The following FERMT2 variants were observed in gnomAD, a reference collection of about 807,000 sequenced individuals.
FERMT2 encodes the protein FERM domain containing kindlin 2, also known as fermitin family homolog 2.
A neutral mutation model predicts 82.7 loss-of-function variants in FERMT2; 15 were observed. The ratio of observed to expected loss-of-function variants is 0.18; its 90% CI spans 0.12 to 0.28. The LOEUF is 0.28. Ranked by LOEUF, FERMT2 falls within the 10% of genes least tolerant of loss-of-function variation. The probability of loss-of-function intolerance (pLI) is 1.00; values close to 1 mark genes in which losing one functional copy is unlikely to be tolerated. For missense variants in FERMT2, 645 were observed against 809.4 expected (o/e 0.80, Z 2.46); for synonymous variants, 274 against 271.5 (o/e 1.01, Z -0.09).
chr14:52,934,458 C>T (rs1389800113), intron 2 of FERMT2, among the ~76,000 whole-genome samples: 1 of 152,148 alleles, frequency 6.6e-6, no homozygotes, highest in Non-Finnish European at 1.5e-5. Flanking sequence ...ATCTTTTATG[C>T]CTTGGCAAGC....
chr14:52,941,316 T>A lies in FERMT2; in HGVS notation c.157+9096A>T, dbSNP rs571171059. On this transcript the variant is annotated intron_variant, in intron 2 of 14. Coordinates refer to ENST00000341590, the MANE Select transcript of FERMT2 (RefSeq NM_006832.3). ...GCGATGAGACGGTTACAAAGGAAAC[T>A]TTTGGGAGTACTGTAAAAGTTTTCT... 2.6e-5 allele frequency among the ~76,000 whole-genome samples: 4 copies of A among 152,260 alleles called. No homozygotes were observed. In the East Asian group the frequency reaches 7.7e-4, roughly 29 times the overall value.
intron 7 of FERMT2, among the ~76,000 whole-genome samples, chr14:52,877,398 C>T (rs112608674): frequency 0.014 from 2,119 of 152,110 alleles, 35 homozygotes; most frequent in African/African-American, 0.048. Context: ...TCAAGAAATT[C>T]ACCAGAGAGT....
intron 4 of FERMT2, among the ~76,000 whole-genome samples, chr14:52,888,082 A>C (rs1886717789): frequency 6.6e-6 from 1 of 152,168 alleles, no homozygotes. Flanking sequence ...CTATGTGGCT[A>C]AATTTTCTCC....
chr14:52,909,968 G>A (rs577088597), intron 3 of FERMT2, among the ~76,000 whole-genome samples: 47 of 152,236 alleles, frequency 3.1e-4, no homozygotes, highest in Non-Finnish European at 5.3e-4. Flanking sequence ...CAGGAGAATC[G>A]CTTGAAGCCA....
chr14:52,881,330 A>G lies in FERMT2; in HGVS notation c.666T>C (p.Ala222=). The G allele has an allele frequency of 6.2e-7, 1 of 1,614,084 alleles. No individual in the cohort carries two copies. The highest frequency in any genetic ancestry group is 8.5e-7 in the Non-Finnish European group (1 of 1,180,004). Residue 222 remains alanine (A), a synonymous_variant, in exon 5 of 15, where the codon GCT becomes GCC. Coordinates refer to ENST00000341590, the MANE Select transcript of FERMT2 (RefSeq NM_006832.3). ...ALSEGNPGIL[A]VSQPITSPEI... ...CTGGTGACGTGATTGGTTGACTGAC[A>G]GCAAGTATACCAGGATTGCCTTCTG...
At chr14:52,881,751 C>A (rs934958584) in intron 4 of FERMT2, 3 of 1,333,834 alleles carry the variant, frequency 2.2e-6, no homozygotes, top group Non-Finnish European at 2.9e-6. Flanking sequence ...ATAGCTGAAG[C>A]AGACAGACCA....
At chr14:52,945,414 A>AT (rs1039016048) in intron 2 of FERMT2, among the ~76,000 whole-genome samples, 16 of 146,002 alleles carry the variant, frequency 1.1e-4, no homozygotes, top group South Asian at 8.8e-4. Flanking sequence ...TGCCTGGCTA[A>AT]TTTTTTTTTT....
intron 3 of FERMT2, among the ~76,000 whole-genome samples, chr14:52,912,833 T>A: frequency 6.6e-6 from 1 of 152,122 alleles, no homozygotes; most frequent in East Asian, 1.9e-4. Context: ...TTCCATTCGA[T>A]CCCAGTGATA....
intron 3 of FERMT2, among the ~76,000 whole-genome samples, chr14:52,902,892 C>CAAAAAAAAAAAAAAAAAAAAAA (rs1355070805): frequency 2.7e-5 from 1 of 36,756 alleles, no homozygotes. Context: ...AAAAAAAAAA[C>CAAAAAAAAAAAAAAAAAAAAAA]CCCAAAACAC....
chr14:52,879,384 C>T (rs749165319), intron 6 of FERMT2, among the ~76,000 whole-genome samples: 4 of 152,016 alleles, frequency 2.6e-5, no homozygotes, highest in African/African-American at 4.8e-5. Context: ...TGGAATATTC[C>T]ATTATACCAG....
chr14:52,865,767 GAAC>G (rs1885237765), intron 10 of FERMT2, among the ~76,000 whole-genome samples: 1 of 152,046 alleles, frequency 6.6e-6, no homozygotes, highest in Non-Finnish European at 1.5e-5. Context: ...ATATTCAGAA[GAAC>G]AAATGTTAAA....
intron 12 of FERMT2, among the ~76,000 whole-genome samples, chr14:52,864,086 G>A (rs1885118801): frequency 6.6e-6 from 1 of 151,754 alleles, no homozygotes; most frequent in Non-Finnish European, 1.5e-5. Context: ...AAAATTCTTG[G>A]GACCAGAAGT....
At chr14:52,861,091 CA>C in intron 12 of FERMT2, 1 of 1,435,444 alleles carries the variant, frequency 7.0e-7, no homozygotes, top group Non-Finnish European at 9.2e-7. Context: ...AAAAGGCAAT[CA>C]GAAAAAATGG....
Position 52,860,399 on chromosome 14 carries a change from T to G in FERMT2, c.1669A>C (p.Arg557=), listed in dbSNP as rs1884852516. 3 of 1,613,354 alleles carry G rather than the reference T, an allele frequency of 1.9e-6. No individual in the cohort carries two copies. In the East Asian group the frequency reaches 6.7e-5, roughly 36 times the overall value. The stretch of plus-strand genomic sequence containing the variant: ...AGTGACTGCCAAGCTTGAATAAATC[T>G]CATCTTGGCTTCAATTAGACTCATC... ...AQMSLIEAKM[R]FIQAWQSLPE... Residue 557 remains arginine (R), a synonymous_variant, in exon 13 of 15, where the codon AGA becomes CGA. Coordinates refer to ENST00000341590, the MANE Select transcript of FERMT2 (RefSeq NM_006832.3).
In FERMT2 at chr14:52,864,904, T is replaced by A. The variant is rs1885176470; in HGVS notation, c.1274-51A>T. 3 of 1,070,508 alleles carry A rather than the reference T, an allele frequency of 2.8e-6. No homozygotes were observed. The East Asian group carries it at 7.1e-5, about 25-fold the overall frequency. 66.3% of individuals were successfully genotyped at this position (1,070,508 alleles called of 1,614,324 possible). A position where few individuals can be genotyped will look rare whatever the true frequency, so the allele number is the denominator to read the frequency against. ...TGGCTAAATTTACTTTTAAGAAATC[T>A]CAAGTCAATACAAGCAGCCCTCATT... On this transcript the variant is annotated intron_variant, in intron 10 of 14. Coordinates refer to ENST00000341590, the MANE Select transcript of FERMT2 (RefSeq NM_006832.3).
At chr14:52,918,128 T>A (rs1888721637) in intron 3 of FERMT2, among the ~76,000 whole-genome samples, 1 of 152,226 alleles carries the variant, frequency 6.6e-6, no homozygotes. Flanking sequence ...TTATAAATTA[T>A]ACTTGATCTT....
chr14:52,897,869 G>A (rs1168093448), intron 3 of FERMT2, among the ~76,000 whole-genome samples: 1 of 151,650 alleles, frequency 6.6e-6, no homozygotes, highest in Admixed American at 6.6e-5. Context: ...CCAGCTACTC[G>A]GGAGGCTGAG....
In FERMT2 at chr14:52,860,429, C is replaced by G; in HGVS notation, c.1639G>C (p.Ala547Pro). Residue 547 changes from alanine to proline, a missense_variant, in exon 13 of 15, where the codon GCT becomes CCT. Physicochemically the swap from Ala to Pro is conservative, Grantham distance 27 (BLOSUM62 -1). Coordinates refer to ENST00000341590, the MANE Select transcript of FERMT2 (RefSeq NM_006832.3). ...TTGGCTTCAATTAGACTCATCTGAG[C>G]TACATTCTGATGGGCCTCCAAGATT... ...ARILEAHQNV[A>P]QMSLIEAKMR... 6.2e-7 allele frequency: 1 copy of G among 1,612,742 alleles called. No individual in the cohort carries two copies. The highest frequency in any genetic ancestry group is 8.5e-7 in the Non-Finnish European group (1 of 1,178,978).
chr14:52,905,937 G>A (rs556743374), intron 3 of FERMT2, among the ~76,000 whole-genome samples: 1 of 152,338 alleles, frequency 6.6e-6, no homozygotes, highest in African/African-American at 2.4e-5. Context: ...AGGATTTCAA[G>A]TAAGTTGGGG....
Sources: allele counts gnomAD v4.1 joint callset (sites outside exome capture counted in the v4.1 genomes callset), GRCh38; gene constraint gnomAD v4.1.1; transcripts MANE v1.5; gene names NCBI Gene and HGNC (gene_info 2026-07-23, HGNC 2026-07-21).